The following CSMD1 variants were observed in gnomAD, a reference collection of about 807,000 sequenced individuals.
The protein encoded by CSMD1 is CUB and Sushi multiple domains 1.
Under a neutral mutation model 417.5 loss-of-function variants are expected in CSMD1, and 213 were observed. The ratio of observed to expected loss-of-function variants is 0.51; its 90% CI spans 0.46 to 0.57. The LOEUF is 0.57. CSMD1 is among the 20% of genes least tolerant of loss of function. The pLI, the probability that CSMD1 is intolerant of heterozygous loss-of-function variation, is 0.00. For synonymous variants in CSMD1, 2,862 were observed against 1,736.8 expected, an observed-to-expected ratio of 1.65 and a Z score of -16.11; for missense variants, 6,923 against 4,529.7, an observed-to-expected ratio of 1.53 and a Z score of -15.17.
At chr8:3,313,314 C>G (rs913470700) in intron 23 of CSMD1, among the ~76,000 whole-genome samples, 3 of 152,118 alleles carry the variant, frequency 2.0e-5, no homozygotes, top group Non-Finnish European at 4.4e-5. Flanking sequence ...AAAGAAACCA[C>G]CATCAGAGTG....
intron 12 of CSMD1, among the ~76,000 whole-genome samples, chr8:3,423,911 C>G (rs1009433302): frequency 2.0e-5 from 3 of 152,126 alleles, no homozygotes; most frequent in Non-Finnish European, 4.4e-5. Flanking sequence ...TGGCGACCCT[C>G]AAATAAACAC....
chr8:4,858,632 G>C (rs548606596), intron 1 of CSMD1, among the ~76,000 whole-genome samples: 54 of 152,044 alleles, frequency 3.6e-4, no homozygotes, highest in Non-Finnish European at 7.4e-4. Flanking sequence ...CAGACAAACA[G>C]AGAGCCAAAT....
At chr8:4,152,069 T>C (rs577473490) in intron 3 of CSMD1, among the ~76,000 whole-genome samples, 2 of 152,282 alleles carry the variant, frequency 1.3e-5, no homozygotes, top group South Asian at 4.1e-4. Context: ...TTTCCCTTTA[T>C]TAAGAACTTT....
In CSMD1 at chr8:4,357,793, CAG is replaced by C. The variant is rs1801513977; in HGVS notation, c.415+62158_415+62159del. Among the ~76,000 whole-genome samples, 9 of 152,000 alleles carry C rather than the reference CAG, an allele frequency of 5.9e-5. 1 individual carries two copies. Among genetic ancestry groups the C allele is most frequent in the African/African-American group, 1.9e-4 (8 of 41,472 alleles). On this transcript the variant is annotated intron_variant, in intron 3 of 69. Coordinates refer to ENST00000635120, the MANE Select transcript of CSMD1 (RefSeq NM_033225.6). ...GAAAAGAATAAGGAGGATGGGGAGACAGAGGAGGAGAAATACCAAAATAGTAT... is the reference window on the plus strand; with the variant it reads ...GAAAAGAATAAGGAGGATGGGGAGACAGGAGGAGAAATACCAAAATAGTAT...
intron 6 of CSMD1, among the ~76,000 whole-genome samples, chr8:3,745,387 T>C (rs1222967329): frequency 6.6e-6 from 1 of 152,116 alleles, no homozygotes; most frequent in Admixed American, 6.6e-5. Context: ...GAGGGAACCC[T>C]CTGAGACATT....
chr8:3,896,129 A>G (rs1039374811), intron 5 of CSMD1, among the ~76,000 whole-genome samples: 1 of 152,166 alleles, frequency 6.6e-6, no homozygotes, highest in Non-Finnish European at 1.5e-5. Context: ...GGGCTTGAGT[A>G]ACAAGCCCAA....
intron 3 of CSMD1, among the ~76,000 whole-genome samples, chr8:4,324,813 T>A (rs1799464693): frequency 6.6e-6 from 1 of 152,186 alleles, no homozygotes; most frequent in African/African-American, 2.4e-5. Flanking sequence ...TCCCATGTCT[T>A]GCTAGAGAAC....
At chr8:3,662,641 A>T (rs1436181667) in intron 7 of CSMD1, among the ~76,000 whole-genome samples, 1 of 152,126 alleles carries the variant, frequency 6.6e-6, no homozygotes. Context: ...GGTTGAATAC[A>T]CCATTTTTTA....
intron 2 of CSMD1, among the ~76,000 whole-genome samples, chr8:4,488,447 G>C (rs1801529173): frequency 1.3e-5 from 2 of 152,198 alleles, no homozygotes; most frequent in South Asian, 4.1e-4. Context: ...AGGTGAAGTA[G>C]TATGCTCAAA....
intron 2 of CSMD1, among the ~76,000 whole-genome samples, chr8:4,528,076 G>C (rs1456551958): frequency 6.6e-6 from 1 of 152,180 alleles, no homozygotes; most frequent in African/African-American, 2.4e-5. Context: ...ACATTCAGCA[G>C]CATATGCTTC....
Position 4,031,831 on chromosome 8 carries a change from A to C in CSMD1, c.610+74T>G, listed in dbSNP as rs1797362012. 8.6e-6 allele frequency: 10 copies of C among 1,156,290 alleles called. No homozygotes were observed. The South Asian group carries it at 2.0e-4, about 23-fold the overall frequency. 71.6% of individuals were successfully genotyped at this position (1,156,290 alleles called of 1,614,324 possible). On this transcript the variant is annotated intron_variant, in intron 4 of 69. Transcript: ENST00000635120. The stretch of plus-strand genomic sequence containing the variant: ...ATGTATTATTTTCATTTAAGTGGAA[A>C]CTTTCATAAAAGCATCTCCAAAACC...
intron 2 of CSMD1, among the ~76,000 whole-genome samples, chr8:4,551,854 A>T (rs1157213934): frequency 7.2e-6 from 1 of 139,348 alleles, no homozygotes; most frequent in African/African-American, 2.6e-5. Flanking sequence ...AATTTTTTGT[A>T]TTTTTTTTTT....
intron 1 of CSMD1, among the ~76,000 whole-genome samples, chr8:4,813,822 C>T (rs368328752): frequency 9.2e-5 from 14 of 152,274 alleles, no homozygotes; most frequent in African/African-American, 3.4e-4. Flanking sequence ...TCATCAGATA[C>T]AAGGCAGTAA....
chr8:4,227,373 G>A (rs942251902), intron 3 of CSMD1, among the ~76,000 whole-genome samples: 1 of 152,030 alleles, frequency 6.6e-6, no homozygotes, highest in African/African-American at 2.4e-5. Context: ...AACATTTTAA[G>A]AACCCTATTC....
intron 5 of CSMD1, among the ~76,000 whole-genome samples, chr8:3,974,264 T>C (rs1813271957): frequency 6.6e-6 from 1 of 151,948 alleles, no homozygotes; most frequent in Non-Finnish European, 1.5e-5. Context: ...TAATTATTTT[T>C]CTTTGATTTT....
intron 56 of CSMD1, among the ~76,000 whole-genome samples, chr8:2,973,780 T>C (rs574378673): frequency 1.1e-4 from 16 of 152,168 alleles, no homozygotes; most frequent in African/African-American, 3.6e-4. Flanking sequence ...AAAGATAATG[T>C]TTTTTTTCTT....
At chr8:4,095,454 G>C (rs965227098) in intron 3 of CSMD1, among the ~76,000 whole-genome samples, 3 of 152,074 alleles carry the variant, frequency 2.0e-5, no homozygotes, top group East Asian at 3.8e-4. Context: ...CTTGCAATTT[G>C]AGCATTTTGT....
At chr8:3,280,494 T>G (rs567213491) in intron 26 of CSMD1, among the ~76,000 whole-genome samples, 1 of 152,318 alleles carries the variant, frequency 6.6e-6, no homozygotes, top group Non-Finnish European at 1.5e-5. Flanking sequence ...CAGAAAATCC[T>G]TCATTTAAAT....
chr8:3,871,677 GTCAA>G (rs1805491496), intron 5 of CSMD1, among the ~76,000 whole-genome samples: 2 of 151,996 alleles, frequency 1.3e-5, no homozygotes, highest in South Asian at 4.1e-4. Flanking sequence ...TCATACAGAG[GTCAA>G]TCATTTTCAC....
Sources: gnomAD v4.1 joint callset for allele counts (sites outside exome capture counted in the v4.1 genomes callset) on GRCh38, gnomAD v4.1.1 for gene constraint, MANE v1.5 for transcripts, NCBI Gene and HGNC (gene_info 2026-07-23, HGNC 2026-07-21) for gene names.